IQGAP2: variants seen among roughly 807,000 people sequenced by gnomAD.
IQGAP2 encodes the protein ras GTPase-activating-like protein IQGAP2.
In IQGAP2, 173 loss-of-function variants were observed where a neutral mutation model predicts 201.3. The ratio of observed to expected loss-of-function variants is 0.86; its 90% CI spans 0.76 to 0.98. The LOEUF (loss-of-function observed/expected upper bound fraction) is 0.98, where lower values mean the gene tolerates loss of function less well. Ranked by LOEUF, IQGAP2 falls within the 50% of genes least tolerant of loss-of-function variation. The probability of loss-of-function intolerance (pLI) is 0.00; values close to 1 mark genes in which losing one functional copy is unlikely to be tolerated. For missense variants in IQGAP2, 1,687 were observed against 1,864.8 expected (o/e 0.90, Z 1.76); for synonymous variants, 675 against 673.9 (o/e 1.00, Z -0.03).
intron 2 of IQGAP2, among the ~76,000 whole-genome samples, chr5:76,537,597 A>C (rs568370510): frequency 6.6e-6 from 1 of 151,746 alleles, no homozygotes; most frequent in Non-Finnish European, 1.5e-5. Context: ...GGAAATATTG[A>C]CTTAGTTTTT....
chr5:76,468,653 A>T (rs1230813370), intron 2 of IQGAP2, among the ~76,000 whole-genome samples: 1 of 152,124 alleles, frequency 6.6e-6, no homozygotes, highest in Non-Finnish European at 1.5e-5. Context: ...ATCTTTTCAA[A>T]ACTCTGAGCA....
Position 76,698,094 on chromosome 5 carries a change from A to C in IQGAP2, c.4314A>C (p.Gln1438His). The change falls in exon 33 of 36, where the codon CAA becomes CAC. Residue 1438 changes from glutamine to histidine, a missense_variant. By Grantham distance (24) the Gln-to-His change is conservative. Transcript: ENST00000274364. ...LNKKAAFYEE[Q>H]INYYDTYIKT... ...AGAAGGCAGCATTTTATGAAGAGCAAATCAATTATTATGACACCTACATAA... is the reference window on the plus strand; with the variant it reads ...AGAAGGCAGCATTTTATGAAGAGCACATCAATTATTATGACACCTACATAA... 6.2e-7 allele frequency: 1 copy of C among 1,611,776 alleles called. No individual in the cohort carries two copies. Among genetic ancestry groups the C allele is most frequent in the South Asian group, 1.1e-5 (1 of 90,968 alleles).
chr5:76,535,672 G>A (rs898155282), intron 2 of IQGAP2, among the ~76,000 whole-genome samples: 11 of 152,192 alleles, frequency 7.2e-5, no homozygotes, highest in African/African-American at 2.4e-4. Flanking sequence ...GACTCCTGTG[G>A]TCTAGGCAGA....
intron 21 of IQGAP2, among the ~76,000 whole-genome samples, chr5:76,662,352 T>G (rs754421817): frequency 6.6e-6 from 1 of 152,226 alleles, no homozygotes; most frequent in Non-Finnish European, 1.5e-5. Flanking sequence ...CAACTCTCTC[T>G]GTTTCTAATG....
At chr5:76,620,372 AT>A (rs1749523946) in intron 13 of IQGAP2, among the ~76,000 whole-genome samples, 1 of 151,950 alleles carries the variant, frequency 6.6e-6, no homozygotes, top group South Asian at 2.1e-4. Flanking sequence ...CTTGGTTCTG[AT>A]TGGCTTTGGG....
chr5:76,707,169 T>G, intron 35 of IQGAP2, 31 bp from the exon 36 acceptor site: 99 of 960,416 alleles, frequency 1.0e-4, no homozygotes, highest in Non-Finnish European at 1.5e-4. Flanking sequence ...ATGTCAAAGT[T>G]GAGATTTAAT....
intron 1 of IQGAP2, among the ~76,000 whole-genome samples, chr5:76,438,545 C>A (rs1752848662): frequency 6.6e-6 from 1 of 152,048 alleles, no homozygotes; most frequent in African/African-American, 2.4e-5. Flanking sequence ...CAGGTTCAAG[C>A]AATTCTCCTG....
At chr5:76,430,197 A>G (rs1438062542) in intron 1 of IQGAP2, among the ~76,000 whole-genome samples, 1 of 152,186 alleles carries the variant, frequency 6.6e-6, no homozygotes, top group Non-Finnish European at 1.5e-5. Context: ...TAAAACCACC[A>G]CCATCTTATT....
chr5:76,417,864 G>T (rs142051003), intron 1 of IQGAP2, among the ~76,000 whole-genome samples: 46 of 152,034 alleles, frequency 3.0e-4, no homozygotes, highest in African/African-American at 1.1e-3. Flanking sequence ...TTACAGGCAT[G>T]AACCATTGTG....
chr5:76,580,331 G>A (rs997879067), intron 5 of IQGAP2, among the ~76,000 whole-genome samples: 2 of 151,000 alleles, frequency 1.3e-5, no homozygotes, highest in African/African-American at 2.4e-5. Context: ...CCAGCTACTC[G>A]GGAGGCTGAG....
At chr5:76,559,661 A>G (rs1019614364) in intron 2 of IQGAP2, among the ~76,000 whole-genome samples, 2 of 152,168 alleles carry the variant, frequency 1.3e-5, no homozygotes, top group Non-Finnish European at 2.9e-5. Flanking sequence ...CAACTACAGC[A>G]GGTCCTCCAA....
In IQGAP2 at chr5:76,638,410, G is replaced by A. The variant is rs115541587; in HGVS notation, c.1923+1234G>A. 5.5e-3 allele frequency among the ~76,000 whole-genome samples: 835 copies of A among 152,242 alleles called. 11 individuals carry two copies. Among genetic ancestry groups the A allele is most frequent in the African/African-American group, 0.019 (795 of 41,538 alleles). ...GGGAAAAAAGCCCAGAAAAGTCTGC[G>A]TTAGAATCTCAGGTTCAGATGCTTT... On this transcript the variant is annotated intron_variant, in intron 16 of 35. Coordinates refer to ENST00000274364, the MANE Select transcript of IQGAP2 (RefSeq NM_006633.5).
intron 2 of IQGAP2, among the ~76,000 whole-genome samples, chr5:76,492,732 A>G (rs1316659304): frequency 6.6e-6 from 1 of 152,210 alleles, no homozygotes; most frequent in African/African-American, 2.4e-5. Flanking sequence ...AGACTTTTGC[A>G]GTAGTCTAGG....
At chr5:76,598,898 T>C (rs1170095444) in intron 10 of IQGAP2, among the ~76,000 whole-genome samples, 15 of 152,172 alleles carry the variant, frequency 9.9e-5, no homozygotes, top group Admixed American at 9.8e-4. Flanking sequence ...GGAAAAGATA[T>C]CCATACTAAT....
chr5:76,607,232 T>G (rs1747874616), intron 12 of IQGAP2: 2 of 152,224 alleles, frequency 1.3e-5, no homozygotes, highest in Non-Finnish European at 2.9e-5. Context: ...CTAAGATCAC[T>G]CTTGAAATAA....
chr5:76,645,843 A>G (rs1751996000), intron 17 of IQGAP2, among the ~76,000 whole-genome samples: 2 of 145,974 alleles, frequency 1.4e-5, no homozygotes, highest in South Asian at 2.2e-4. Context: ...AAAAAAAAAC[A>G]GAATGGACGA....
At chr5:76,552,053 C>T (rs1422593259) in intron 2 of IQGAP2, among the ~76,000 whole-genome samples, 2 of 152,176 alleles carry the variant, frequency 1.3e-5, no homozygotes, top group African/African-American at 4.8e-5. Flanking sequence ...CGCCCCTGGG[C>T]CTGAACACTT....
chr5:76,457,610 G>A (rs1754176224), intron 1 of IQGAP2, among the ~76,000 whole-genome samples: 1 of 152,150 alleles, frequency 6.6e-6, no homozygotes, highest in African/African-American at 2.4e-5. Context: ...CTGTGTGAAG[G>A]TAGCAGGTAG....
chr5:76,597,156 C>T lies in IQGAP2; in HGVS notation c.908-283C>T. 3 of 374,358 alleles carry T rather than the reference C, an allele frequency of 8.0e-6. No individual in the cohort carries two copies. In the Middle Eastern group the frequency reaches 2.3e-3, roughly 290 times the overall value. The allele number at this position is 374,358 out of a possible 1,614,324, so 23.2% of individuals were successfully genotyped here. On this transcript the variant is annotated intron_variant, in intron 9 of 35. Transcript: ENST00000274364. ...GGGAAGAAATGAGACCAGAGCTGGT[C>T]CTATAAGGAAGGATTTTGGAAGGAA...
Sources: allele counts gnomAD v4.1 joint callset (sites outside exome capture counted in the v4.1 genomes callset), GRCh38; gene constraint gnomAD v4.1.1; transcripts MANE v1.5; gene names NCBI Gene and HGNC (gene_info 2026-07-23, HGNC 2026-07-21).